BMP6: variants seen among roughly 807,000 people sequenced by gnomAD.
BMP6 encodes VG-1-R.
BMP6 carries 17 observed loss-of-function variants against 54.1 expected under a neutral mutation model. That is an observed-to-expected ratio of 0.31 (90% CI 0.22 to 0.47). BMP6 has a LOEUF of 0.47. Ranked by LOEUF, BMP6 falls within the 20% of genes least tolerant of loss-of-function variation. The probability of loss-of-function intolerance (pLI) is 1.00; values close to 1 mark genes in which losing one functional copy is unlikely to be tolerated. For synonymous variants in BMP6, 328 were observed against 291.2 expected (o/e 1.13, Z -1.28); for missense variants, 720 against 690.4 (o/e 1.04, Z -0.48).
At chr6:7,754,607 T>A (rs1206653757) in intron 1 of BMP6, among the ~76,000 whole-genome samples, 2 of 152,258 alleles carry the variant, frequency 1.3e-5, no homozygotes, top group Non-Finnish European at 2.9e-5. Flanking sequence ...ATTCTCTTTG[T>A]CCTTGATAAT....
chr6:7,736,787 C>G (rs1427660802), intron 1 of BMP6, among the ~76,000 whole-genome samples: 2 of 152,212 alleles, frequency 1.3e-5, no homozygotes, highest in African/African-American at 2.4e-5. Context: ...CTCCATCTCT[C>G]TTCACGTCAG....
chr6:7,784,591 C>T (rs1256607797), intron 1 of BMP6, among the ~76,000 whole-genome samples: 1 of 151,976 alleles, frequency 6.6e-6, no homozygotes, highest in Non-Finnish European at 1.5e-5. Flanking sequence ...TCCAGAGTTG[C>T]TTTAAAAAAA....
rs1761758886 is a variant in BMP6 at position 7,727,531 on chromosome 6, T to A, written c.576T>A (p.Ser192=). The change falls in exon 1 of 7, where the codon TCT becomes TCA. Residue 192 remains serine (S), a synonymous_variant. Coordinates refer to ENST00000283147, the MANE Select transcript of BMP6 (RefSeq NM_001718.6). The stretch of plus-strand genomic sequence containing the variant: ...GCAAGAGCCTTCTGGCCCCCGGATC[T>A]GGCAGCGGCGGCGCGTCCCCACTGA... The part of the protein sequence containing the change: ...LNRKSLLAPG[S]GSGGASPLTS... 1 of 1,595,562 alleles carries A rather than the reference T, an allele frequency of 6.3e-7. No individual in the cohort carries two copies. The highest frequency in any genetic ancestry group is 8.5e-7 in the Non-Finnish European group (1 of 1,177,796).
At chr6:7,873,092 C>T (rs146352109) in intron 4 of BMP6, among the ~76,000 whole-genome samples, 43 of 152,220 alleles carry the variant, frequency 2.8e-4, no homozygotes, top group Middle Eastern at 3.4e-3. Context: ...AGGCATGAGG[C>T]GCCACATCTG....
At chr6:7,865,393 A>T (rs1004597099) in intron 4 of BMP6, among the ~76,000 whole-genome samples, 1 of 152,168 alleles carries the variant, frequency 6.6e-6, no homozygotes, top group Admixed American at 6.5e-5. Context: ...CCCAAGAAAG[A>T]ATGACGATGA....
intron 4 of BMP6, among the ~76,000 whole-genome samples, chr6:7,876,055 T>C (rs1307479287): frequency 2.0e-5 from 3 of 152,178 alleles, no homozygotes; most frequent in Non-Finnish European, 4.4e-5. Context: ...GAGCTATCTG[T>C]CGTGGGAAAT....
At chr6:7,775,642 G>A (rs1223693246) in intron 1 of BMP6, among the ~76,000 whole-genome samples, 1 of 152,222 alleles carries the variant, frequency 6.6e-6, no homozygotes, top group Non-Finnish European at 1.5e-5. Context: ...CCGGGTTCAT[G>A]TCCCCAGTTG....
At chr6:7,761,956 G>A (rs1757619461) in intron 1 of BMP6, among the ~76,000 whole-genome samples, 1 of 152,040 alleles carries the variant, frequency 6.6e-6, no homozygotes, top group Non-Finnish European at 1.5e-5. Context: ...GGAGTGTAGT[G>A]GTGTGATCTC....
rs907881785 is a variant in BMP6, at chr6:7,831,786, G to A, written c.665-13354G>A. ...CTCCAGCTTAGCTGTTTGCATCTTGGAGAACTGTTCCTGGGTCCTGGGGAA... is the reference window on the plus strand; with the variant it reads ...CTCCAGCTTAGCTGTTTGCATCTTGAAGAACTGTTCCTGGGTCCTGGGGAA... On this transcript the variant is annotated intron_variant, in intron 1 of 6. Transcript: ENST00000283147. 2.0e-5 allele frequency among the ~76,000 whole-genome samples: 3 copies of A among 152,204 alleles called. No homozygotes were observed. The East Asian group carries it at 5.8e-4, about 29-fold the overall frequency.
intron 4 of BMP6, among the ~76,000 whole-genome samples, chr6:7,872,724 G>A (rs1008943223): frequency 4.6e-5 from 7 of 151,960 alleles, no homozygotes; most frequent in Admixed American, 4.6e-4. Flanking sequence ...TGGAAATCCA[G>A]ACATGAAGTG....
chr6:7,881,052 G>A lies in BMP6; in HGVS notation c.*709G>A, dbSNP rs1181534453. ...ACACTGAGGTGAGGCTACAAGGGGT[G>A]TGTAACCGTGTAACACGTGAAGGCA... On this transcript the variant is annotated 3_prime_UTR_variant, in exon 7 of 7. Transcript: ENST00000283147. The A allele has an allele frequency of 2.0e-5, 3 of 152,588 alleles. No individual in the cohort carries two copies. The highest frequency in any genetic ancestry group is 6.5e-5 in the Admixed American group (1 of 15,328). The allele number at this position is 152,588 out of a possible 1,614,324, so 9.5% of individuals were successfully genotyped here. A position where few individuals can be genotyped will look rare whatever the true frequency, so the allele number is the denominator to read the frequency against.
At chr6:7,799,065 T>C (rs933883073) in intron 1 of BMP6, among the ~76,000 whole-genome samples, 2 of 152,206 alleles carry the variant, frequency 1.3e-5, no homozygotes, top group Admixed American at 6.5e-5. Context: ...GTAACAAGCT[T>C]ACTCGAAATT....
chr6:7,751,029 A>T (rs1581232343), intron 1 of BMP6, among the ~76,000 whole-genome samples: 1 of 152,290 alleles, frequency 6.6e-6, no homozygotes, highest in African/African-American at 2.4e-5. Context: ...CAAAGTTTCA[A>T]ATGTTGTTGG....
At chr6:7,803,654 TTTTC>T (rs1201403063) in intron 1 of BMP6, among the ~76,000 whole-genome samples, 2 of 152,130 alleles carry the variant, frequency 1.3e-5, no homozygotes, top group Admixed American at 6.5e-5. Flanking sequence ...TCTTTTGTAG[TTTTC>T]TCGGCCCAGA....
At chr6:7,867,227 C>T (rs777256599) in intron 4 of BMP6, among the ~76,000 whole-genome samples, 23 of 152,126 alleles carry the variant, frequency 1.5e-4, no homozygotes, top group Admixed American at 5.9e-4. Flanking sequence ...AAACATGTAT[C>T]TTTAAGGACC....
intron 1 of BMP6, among the ~76,000 whole-genome samples, chr6:7,729,302 C>T (rs1277424649): frequency 2.0e-5 from 3 of 152,122 alleles, no homozygotes; most frequent in East Asian, 1.9e-4. Context: ...CTCTTCCTCT[C>T]CTCTCCTTCC....
intron 2 of BMP6, among the ~76,000 whole-genome samples, chr6:7,845,771 T>G (rs920440363): frequency 1.3e-5 from 2 of 152,188 alleles, no homozygotes; most frequent in Non-Finnish European, 2.9e-5. Context: ...CATGTATCTT[T>G]GAGTAAGCTT....
Position 7,726,895 on chromosome 6 carries a change from C to A in BMP6, c.-61C>A. The A allele has an allele frequency of 9.5e-7, 1 of 1,056,936 alleles. No homozygotes were observed. The highest frequency in any genetic ancestry group is 1.1e-6 in the Non-Finnish European group (1 of 874,236). The allele number at this position is 1,056,936 out of a possible 1,614,324, so 65.5% of individuals were successfully genotyped here. ...GCCAAGGGCCACAGCGGCCGCGCTC[C>A]GGCCTCGCTCCGCCGCTCCACGCCT... is the stretch of plus-strand genomic sequence containing the variant. On this transcript the variant is annotated 5_prime_UTR_variant, in exon 1 of 7. Transcript: ENST00000283147.
chr6:7,870,364 C>T (rs1210962294), intron 4 of BMP6, among the ~76,000 whole-genome samples: 2 of 152,174 alleles, frequency 1.3e-5, no homozygotes, highest in Admixed American at 1.3e-4. Context: ...CTGATTGCAT[C>T]GTGCAGAAGG....
Sources: gnomAD v4.1 joint callset for allele counts (sites outside exome capture counted in the v4.1 genomes callset) on GRCh38, gnomAD v4.1.1 for gene constraint, MANE v1.5 for transcripts, NCBI Gene and HGNC (gene_info 2026-07-23, HGNC 2026-07-21) for gene names.